TRAPPC12: variants seen among roughly 807,000 people sequenced by gnomAD.
The protein encoded by TRAPPC12 is TPR repeat protein 15.
Under a neutral mutation model 69.2 loss-of-function variants are expected in TRAPPC12, and 61 were observed. The ratio of observed to expected loss-of-function variants is 0.88; its 90% CI spans 0.72 to 1.09. TRAPPC12 has a LOEUF of 1.09. Ranked by LOEUF, TRAPPC12 falls within the 50% of genes least tolerant of loss-of-function variation. The probability of loss-of-function intolerance (pLI) is 0.00; values close to 1 mark genes in which losing one functional copy is unlikely to be tolerated. For synonymous variants in TRAPPC12, 469 were observed against 438.9 expected (o/e 1.07, Z -0.86); for missense variants, 1,101 against 1,016.4 (o/e 1.08, Z -1.13).
intron 5 of TRAPPC12, among the ~76,000 whole-genome samples, chr2:3,436,167 T>G (rs1302337645): frequency 6.6e-6 from 1 of 152,204 alleles, no homozygotes; most frequent in Non-Finnish European, 1.5e-5. Context: ...GAATGTACCT[T>G]TAATCAAGTA....
chr2:3,453,528 TCAGCAGCTTCCAG>T (rs1664965585), intron 6 of TRAPPC12, among the ~76,000 whole-genome samples: 1 of 152,224 alleles, frequency 6.6e-6, no homozygotes, highest in African/African-American at 2.4e-5. Flanking sequence ...GCCTGGGCCC[TCAGCAGCTTCCAG>T]CAGGGAGGGT....
chr2:3,470,007 A>G (rs913952808), intron 9 of TRAPPC12, among the ~76,000 whole-genome samples: 2 of 152,200 alleles, frequency 1.3e-5, no homozygotes, highest in Admixed American at 1.3e-4. Flanking sequence ...TGTTATCTCC[A>G]GACCAGGGAG....
intron 8 of TRAPPC12, among the ~76,000 whole-genome samples, chr2:3,462,147 C>T (rs1037010462): frequency 5.9e-5 from 9 of 152,332 alleles, no homozygotes; most frequent in South Asian, 2.1e-4. Context: ...GTTCCACTGG[C>T]GGGCTTTCAT....
intron 6 of TRAPPC12, chr2:3,455,742 C>T (rs181434061): frequency 6.6e-6 from 1 of 152,310 alleles, no homozygotes; most frequent in African/African-American, 2.4e-5. Flanking sequence ...TCCTTTATCC[C>T]CTTGTCTGCT....
chr2:3,455,026 G>A (rs1665065605), intron 6 of TRAPPC12: 1 of 152,268 alleles, frequency 6.6e-6, no homozygotes, highest in African/African-American at 2.4e-5. Flanking sequence ...GGTGTGCGGA[G>A]GCGCAGAACA....
intron 9 of TRAPPC12, among the ~76,000 whole-genome samples, chr2:3,476,928 C>G (rs1666318417): frequency 6.6e-6 from 1 of 152,258 alleles, no homozygotes; most frequent in Non-Finnish European, 1.5e-5. Flanking sequence ...TGTCTTTACC[C>G]TCGTGAGCGC....
chr2:3,419,135 G>T (rs1403226338), intron 3 of TRAPPC12, among the ~76,000 whole-genome samples: 2 of 152,112 alleles, frequency 1.3e-5, no homozygotes, highest in Non-Finnish European at 2.9e-5. Context: ...ACTCCTGCCT[G>T]TCCTCACTGT....
intron 5 of TRAPPC12, among the ~76,000 whole-genome samples, chr2:3,430,605 T>C (rs754328471): frequency 2.6e-5 from 4 of 152,278 alleles, no homozygotes; most frequent in Non-Finnish European, 4.4e-5. Flanking sequence ...GAAATATTAA[T>C]ATCTTCTCCC....
chr2:3,443,915 C>T (rs762552157), intron 6 of TRAPPC12, 24 bp downstream of exon 6: 1 of 1,576,952 alleles, frequency 6.3e-7, no homozygotes. Flanking sequence ...TCATTCTTCC[C>T]TGCCACGGGG....
At chr2:3,477,668 TA>T in intron 9 of TRAPPC12, 26 bp from the exon 10 acceptor site, 1 of 1,475,788 alleles carries the variant, frequency 6.8e-7, no homozygotes, top group Non-Finnish European at 9.4e-7. Context: ...TTTTGTCAAC[TA>T]AACTGACTAA....
chr2:3,401,939 C>A, intron 3 of TRAPPC12, 46 bp downstream of exon 3: 1 of 1,240,350 alleles, frequency 8.1e-7, no homozygotes, highest in Non-Finnish European at 1.1e-6. Flanking sequence ...GTGATAAGTC[C>A]TGCCTGCCTT....
At chr2:3,387,550 C>G (rs572254334) in intron 1 of TRAPPC12, 70 bp from the exon 2 acceptor site, 2 of 1,183,044 alleles carry the variant, frequency 1.7e-6, no homozygotes, top group Non-Finnish European at 2.3e-6. Context: ...AATCTATAAG[C>G]AATACTCATT....
At chr2:3,458,211 C>G (rs1665285170) in intron 7 of TRAPPC12, 1 of 992,742 alleles carries the variant, frequency 1.0e-6, no homozygotes, top group Non-Finnish European at 1.2e-6. Context: ...TTGACATGAG[C>G]TGATCTGCAC....
Position 3,443,825 on chromosome 2 carries a change from G to C in TRAPPC12, c.1464G>C (p.Gln488His). ...TGCGCATCTTGCACGCGGAGCTTCA[G>C]CAGTACCTGGGGAACCCACAGGAGT... Reference protein sequence around the residue: ...FSMRILHAELQQYLGNPQESL... With the variant: ...FSMRILHAELHQYLGNPQESL... The change falls in exon 6 of 12, where the codon CAG (glutamine) becomes CAC (histidine). Residue 488 changes from glutamine (Q) to histidine (H), a missense_variant. By Grantham distance (24) the Gln-to-His change is conservative (BLOSUM62 0). Coordinates refer to ENST00000324266, the MANE Select transcript of TRAPPC12 (RefSeq NM_016030.6). The C allele has an allele frequency of 6.2e-7, 1 of 1,614,164 alleles. No homozygotes were observed. The highest frequency in any genetic ancestry group is 1.7e-5 in the Admixed American group (1 of 60,030).
chr2:3,410,443 A>C (rs1661994628), intron 3 of TRAPPC12, among the ~76,000 whole-genome samples: 1 of 152,220 alleles, frequency 6.6e-6, no homozygotes, highest in Admixed American at 6.5e-5. Context: ...AAGTCTTAGA[A>C]TATGAAATCA....
chr2:3,448,715 GA>G (rs1314202151), intron 6 of TRAPPC12, among the ~76,000 whole-genome samples: 1 of 73,396 alleles, frequency 1.4e-5, no homozygotes, highest in African/African-American at 5.8e-5. Flanking sequence ...GTAGGGCGTG[GA>G]GAGCAGCCGG....
intron 9 of TRAPPC12, 96 bp downstream of exon 9, chr2:3,465,791 A>C (rs989690672): frequency 7.1e-6 from 6 of 843,778 alleles, no homozygotes; most frequent in Non-Finnish European, 1.2e-5. Flanking sequence ...TAATATAAGA[A>C]AGACTGCAGA....
chr2:3,466,597 G>T (rs1665822510), intron 9 of TRAPPC12, among the ~76,000 whole-genome samples: 1 of 152,178 alleles, frequency 6.6e-6, no homozygotes, highest in African/African-American at 2.4e-5. Flanking sequence ...CCTCCACACA[G>T]TTGCTCACAC....
Position 3,379,744 on chromosome 2 carries a change from G to C in TRAPPC12, c.-137G>C, listed in dbSNP as rs1360336714. 1 of 151,308 alleles carries C rather than the reference G, an allele frequency of 6.6e-6. No homozygotes were observed. The highest frequency in any genetic ancestry group is 2.1e-4 in the South Asian group (1 of 4,762). 9.4% of individuals were successfully genotyped at this position (151,308 alleles called of 1,614,324 possible). On this transcript the variant is annotated 5_prime_UTR_variant, in exon 1 of 12. Coordinates refer to ENST00000324266, the MANE Select transcript of TRAPPC12 (RefSeq NM_016030.6). ...AGCAGAACTAGGCGCGCCGCGGCCC[G>C]GCACGCGCAGGCGTACAGAGCTCCC...
Sources: gnomAD v4.1 joint callset for allele counts (sites outside exome capture counted in the v4.1 genomes callset) on GRCh38, gnomAD v4.1.1 for gene constraint, MANE v1.5 for transcripts, NCBI Gene and HGNC (gene_info 2026-07-23, HGNC 2026-07-21) for gene names.